The following SLC24A2 variants were observed in gnomAD, a reference collection of about 807,000 sequenced individuals.
SLC24A2 encodes solute carrier family 24 member 2.
Under a neutral mutation model 62.0 loss-of-function variants are expected in SLC24A2, and 36 were observed. The observed-to-expected ratio is 0.58, with a 90% confidence interval of 0.44 to 0.77. The LOEUF is 0.77. SLC24A2 is among the 30% of genes least tolerant of loss of function. SLC24A2 has a pLI of 0.00. For synonymous variants in SLC24A2, 358 were observed against 294.0 expected (o/e 1.22, Z -2.23); for missense variants, 846 against 817.9 (o/e 1.03, Z -0.42).
At chr9:20,099,947 T>C in the SLC24A2 span, among the ~76,000 whole-genome samples, 1 of 152,180 alleles carries the variant, frequency 6.6e-6, no homozygotes, top group Non-Finnish European at 1.5e-5. Context: ...TCATGAAGAC[T>C]TTTTGTGTCA....
chr9:20,094,252 A>G, the SLC24A2 span, among the ~76,000 whole-genome samples: 1 of 152,206 alleles, frequency 6.6e-6, no homozygotes. Flanking sequence ...CACATGGGCA[A>G]TTGTTTGAGT....
chr9:20,261,239 T>A, the SLC24A2 span, among the ~76,000 whole-genome samples: 1 of 152,144 alleles, frequency 6.6e-6, no homozygotes, highest in African/African-American at 2.4e-5. Context: ...TGGTTTTCCA[T>A]TCCTGAGTTA....
the SLC24A2 span, among the ~76,000 whole-genome samples, chr9:20,287,345 G>C: frequency 5.4e-4 from 82 of 152,240 alleles, 1 homozygote; most frequent in South Asian, 0.016. Flanking sequence ...CAGACCCATG[G>C]GAGGCTGCGG....
intron 9 of SLC24A2, among the ~76,000 whole-genome samples, chr9:19,526,008 C>G (rs551089793): frequency 1.6e-4 from 25 of 152,214 alleles, no homozygotes; most frequent in African/African-American, 6.0e-4. Flanking sequence ...CCATTTTCCC[C>G]CAACCTCTCC....
At chr9:19,842,303 T>G in the SLC24A2 span, among the ~76,000 whole-genome samples, 1 of 152,182 alleles carries the variant, frequency 6.6e-6, no homozygotes, top group Non-Finnish European at 1.5e-5. Context: ...TCATAACTGT[T>G]GAATGAACTG....
the SLC24A2 span, among the ~76,000 whole-genome samples, chr9:20,161,664 A>T: frequency 3.3e-5 from 5 of 151,262 alleles, no homozygotes; most frequent in Non-Finnish European, 7.4e-5. Context: ...TTTGACACCC[A>T]TTCCTAAAAA....
At chr9:20,281,487 T>C in the SLC24A2 span, among the ~76,000 whole-genome samples, 1 of 152,130 alleles carries the variant, frequency 6.6e-6, no homozygotes, top group African/African-American at 2.4e-5. Flanking sequence ...CGGTCACTAC[T>C]CTCCCACAAG....
At chr9:20,175,835 T>C in the SLC24A2 span, among the ~76,000 whole-genome samples, 1 of 152,066 alleles carries the variant, frequency 6.6e-6, no homozygotes, top group Non-Finnish European at 1.5e-5. Flanking sequence ...CCAAGATCTG[T>C]TATTAGATAA....
chr9:19,868,125 A>C, the SLC24A2 span, among the ~76,000 whole-genome samples: 7 of 152,042 alleles, frequency 4.6e-5, no homozygotes, highest in African/African-American at 1.7e-4. Context: ...TGCTTAAAAC[A>C]GTAACTTCTC....
intron 7 of SLC24A2, among the ~76,000 whole-genome samples, chr9:19,568,649 C>A (rs576468318): frequency 5.8e-4 from 89 of 152,302 alleles, no homozygotes; most frequent in African/African-American, 2.0e-3. Context: ...AGCTGGTAAG[C>A]AGCAGAGCTA....
At chr9:20,245,104 T>C in the SLC24A2 span, among the ~76,000 whole-genome samples, 29 of 152,294 alleles carry the variant, frequency 1.9e-4, no homozygotes, top group South Asian at 6.0e-3. Context: ...TGATTATGCA[T>C]TAGGTAGGCC....
At chr9:20,056,647 C>A in the SLC24A2 span, among the ~76,000 whole-genome samples, 1 of 152,162 alleles carries the variant, frequency 6.6e-6, no homozygotes, top group East Asian at 1.9e-4. Context: ...AAATCAGATT[C>A]TTACCTTTCA....
the SLC24A2 span, among the ~76,000 whole-genome samples, chr9:20,225,564 A>ATATATATAT: frequency 5.2e-5 from 6 of 115,972 alleles, no homozygotes; most frequent in African/African-American, 1.2e-4. Context: ...TATATATTAT[A>ATATATATAT]TATATATATA....
the SLC24A2 span, among the ~76,000 whole-genome samples, chr9:19,948,689 C>CA: frequency 4.0e-5 from 6 of 151,246 alleles, no homozygotes; most frequent in African/African-American, 1.5e-4. Context: ...ACTAAAAATA[C>CA]AAAAAATTAG....
At chr9:19,846,081 A>G in the SLC24A2 span, among the ~76,000 whole-genome samples, 1 of 152,190 alleles carries the variant, frequency 6.6e-6, no homozygotes, top group South Asian at 2.1e-4. Flanking sequence ...TGATAGGTGG[A>G]GTATTCTGTA....
At chr9:19,587,958 C>T (rs1005976156) in intron 5 of SLC24A2, among the ~76,000 whole-genome samples, 8 of 152,096 alleles carry the variant, frequency 5.3e-5, no homozygotes, top group African/African-American at 1.9e-4. Flanking sequence ...TAGAAGAATT[C>T]CTTGGTCCTG....
At chr9:20,173,934 A>G in the SLC24A2 span, among the ~76,000 whole-genome samples, 17 of 152,148 alleles carry the variant, frequency 1.1e-4, no homozygotes, top group African/African-American at 4.1e-4. Flanking sequence ...GCATCACATT[A>G]TGTAATTTCA....
chr9:19,666,794 T>G (rs186843789), intron 2 of SLC24A2, among the ~76,000 whole-genome samples: 207 of 152,296 alleles, frequency 1.4e-3, no homozygotes, highest in African/African-American at 4.7e-3. Flanking sequence ...GTTATAGTAC[T>G]TGGTGCCTTT....
At chr9:19,666,911 T>A (rs780933524) in intron 2 of SLC24A2, among the ~76,000 whole-genome samples, 6 of 152,248 alleles carry the variant, frequency 3.9e-5, no homozygotes, top group Non-Finnish European at 2.9e-5. Context: ...GTGCTATTTA[T>A]GTGTACATTA....
Sources: gnomAD v4.1 joint callset for allele counts (sites outside exome capture counted in the v4.1 genomes callset) on GRCh38, gnomAD v4.1.1 for gene constraint, MANE v1.5 for transcripts, NCBI Gene and HGNC (gene_info 2026-07-23, HGNC 2026-07-21) for gene names.